The following CERCAM variants were observed in gnomAD, a reference collection of about 807,000 sequenced individuals.
The protein encoded by CERCAM is cerebral endothelial cell adhesion molecule.
Under a neutral mutation model 66.0 loss-of-function variants are expected in CERCAM, and 59 were observed. The observed-to-expected ratio is 0.89, with a 90% confidence interval of 0.73 to 1.11. The LOEUF is 1.11. CERCAM is among the 50% of genes most tolerant of loss of function. CERCAM has a pLI of 0.00. For synonymous variants in CERCAM, 318 were observed against 343.6 expected (o/e 0.93, Z 0.83); for missense variants, 840 against 828.3 (o/e 1.01, Z -0.17).
chr9:128,431,190 A>G lies in CERCAM; in HGVS notation c.1090A>G (p.Ile364Val), dbSNP rs1833966038. 2 of 1,613,950 alleles carry G rather than the reference A, an allele frequency of 1.2e-6. No individual in the cohort carries two copies. Residue 364 changes from isoleucine (I) to valine (V), a missense_variant, in exon 9 of 13, where the codon ATC (isoleucine) becomes GTC (valine). Coordinates refer to ENST00000372838, the MANE Select transcript of CERCAM (RefSeq NM_016174.5). ...CCTCAGGATGCTCAACAGCAGTGCC[A>G]TCAGGAACCTCGGCGTAGACCTGCT... ...VDGWMLNSSA[I>V]RNLGVDLLPG...
In CERCAM at chr9:128,428,796, G is replaced by A. The variant is rs143862996; in HGVS notation, c.926G>A (p.Arg309Gln). 4.3e-6 allele frequency: 7 copies of A among 1,613,922 alleles called. No individual in the cohort carries two copies. Among genetic ancestry groups the A allele is most frequent in the East Asian group, 2.2e-5 (1 of 44,866 alleles). Residue 309 changes from arginine (R) to glutamine (Q), a missense_variant, in exon 7 of 13, where the codon CGG (arginine) becomes CAG (glutamine). Coordinates refer to ENST00000372838, the MANE Select transcript of CERCAM (RefSeq NM_016174.5). ...PRMQASAHVT[R>Q]PSKRPSKIGF... The stretch of plus-strand genomic sequence containing the variant: ...ATGCAGGCCTCAGCTCATGTGACTC[G>A]GCCCTCTAAGAGGCCCAGCAAGATA...
At position 128,434,533 on chromosome 9, in the gene CERCAM, C is replaced by T. The variant is rs1564432077; in HGVS notation, c.1455C>T (p.Arg485=). Residue 485 remains arginine, a synonymous_variant, in exon 11 of 13, where the codon CGC becomes CGT. Transcript: ENST00000372838. The surrounding 1 kb of genome is among the most constrained non-coding windows in gnomAD (Gnocchi z 4.5). ...ATGCCCTGCGTCTGGCGGGTGCCCG[C>T]AAGCTGCTGGCCTCACAGCCTCTGC... The part of the protein sequence containing the change: ...LAYALRLAGA[R]KLLASQPLRR... The T allele has an allele frequency of 5.0e-6, 8 of 1,612,620 alleles. No homozygotes were observed. The highest frequency in any genetic ancestry group is 6.8e-6 in the Non-Finnish European group (8 of 1,179,996).
chr9:128,428,620 T>A (rs1357517232), intron 6 of CERCAM, 137 bp from the exon 7 acceptor site: 1 of 1,114,814 alleles, frequency 9.0e-7, no homozygotes, highest in Non-Finnish European at 1.3e-6. Flanking sequence ...GGCAGGTGGA[T>A]CCTGTGATCT....
chr9:128,424,042 G>A (rs778214376), intron 3 of CERCAM, 96 bp from the exon 4 acceptor site: 17 of 1,395,610 alleles, frequency 1.2e-5, no homozygotes, highest in Non-Finnish European at 1.7e-5. Context: ...CTGGATCCTA[G>A]GAGCCACGCT....
intron 12 of CERCAM, among the ~76,000 whole-genome samples, chr9:128,436,117 G>A (rs1834108842): frequency 2.0e-5 from 3 of 151,558 alleles, no homozygotes; most frequent in South Asian, 2.1e-4. Context: ...GTGCAGTGGC[G>A]TGATTTTGGC....
chr9:128,431,433 C>A, intron 9 of CERCAM, 130 bp downstream of exon 9: 1 of 1,264,552 alleles, frequency 7.9e-7, no homozygotes, highest in Non-Finnish European at 1.1e-6. Context: ...TTTCAATCTC[C>A]TCTGTGTTCA....
intron 1 of CERCAM, 192 bp from the exon 2 acceptor site, chr9:128,422,676 T>G: frequency 1.7e-6 from 1 of 577,158 alleles, no homozygotes; most frequent in East Asian, 2.8e-5. Flanking sequence ...TTGCCTGAGG[T>G]CACACAGCAG....
At chr9:128,419,828 G>A (rs1314037202), upstream of CERCAM, 1 of 152,022 alleles carries the variant, frequency 6.6e-6, no homozygotes, top group Non-Finnish European at 1.5e-5. Flanking sequence ...GTGTCCCCTA[G>A]TTCTACACTC....
intron 1 of CERCAM, 184 bp downstream of exon 1, chr9:128,421,258 C>A: frequency 8.1e-7 from 1 of 1,234,970 alleles, no homozygotes; most frequent in Non-Finnish European, 1.0e-6. Flanking sequence ...TGCTGGGAGA[C>A]GACAGACCTC....
chr9:128,422,069 T>G (rs1833721988), intron 1 of CERCAM: 1 of 152,270 alleles, frequency 6.6e-6, no homozygotes, highest in Non-Finnish European at 1.5e-5. Flanking sequence ...TAGGGACGCT[T>G]AGAGCATGGT....
rs1233620820 is a variant in CERCAM at position 128,424,283 on chromosome 9, G to A, written c.561+11G>A. On this transcript the variant is annotated intron_variant, in intron 4 of 12. Coordinates refer to ENST00000372838, the MANE Select transcript of CERCAM (RefSeq NM_016174.5). Reference sequence around the variant, plus strand: ...GGGATCACCCCCCAGGTGAGGCCGGGATGGGGGCCTTGGGTGGACTGAGGT... The same window carrying A: ...GGGATCACCCCCCAGGTGAGGCCGGAATGGGGGCCTTGGGTGGACTGAGGT... The A allele has an allele frequency of 1.2e-6, 2 of 1,613,886 alleles. No individual in the cohort carries two copies. Among genetic ancestry groups the A allele is most frequent in the African/African-American group, 1.3e-5 (1 of 75,060 alleles).
At chr9:128,436,351 G>A (rs1420449357) in intron 12 of CERCAM, among the ~76,000 whole-genome samples, 3 of 152,140 alleles carry the variant, frequency 2.0e-5, no homozygotes, top group African/African-American at 7.2e-5. Flanking sequence ...GGATTCAAGC[G>A]ATTCTCCTGT....
Position 128,427,393 on chromosome 9 carries a change from G to T in CERCAM, c.767-909G>T, listed in dbSNP as rs146404305. Among the ~76,000 whole-genome samples the T allele has an allele frequency of 2.6e-5, 4 of 152,148 alleles. No homozygotes were observed. The East Asian group carries it at 7.8e-4, about 30-fold the overall frequency. The stretch of plus-strand genomic sequence containing the variant: ...TTCCCAAAGTGCTGGGATTACAGGC[G>T]TGAGCTACTGTGCCCCGCCTAGGTT... On this transcript the variant is annotated intron_variant, in intron 5 of 12. Transcript: ENST00000372838.
chr9:128,434,314 A>C lies in CERCAM; in HGVS notation c.1331+85A>C, dbSNP rs576374091. On this transcript the variant is annotated intron_variant, in intron 10 of 12. Transcript: ENST00000372838. This position sits in a 1 kb window ranked among gnomAD's most constrained non-coding sequence, Gnocchi z 4.5. ...TCCTGCTTGGGACCCTGGCCGGCCCATCCCCTGAGAGCCTGGCCCTGTAGG... is the reference window on the plus strand; with the variant it reads ...TCCTGCTTGGGACCCTGGCCGGCCCCTCCCCTGAGAGCCTGGCCCTGTAGG... The C allele has an allele frequency of 6.2e-7, 1 of 1,602,622 alleles. No homozygotes were observed. The highest frequency in any genetic ancestry group is 1.3e-5 in the African/African-American group (1 of 74,620).
At chr9:128,424,866 C>G (rs2131329963) in intron 5 of CERCAM, among the ~76,000 whole-genome samples, 1 of 150,260 alleles carries the variant, frequency 6.7e-6, no homozygotes, top group East Asian at 2.0e-4. Context: ...GGATTACAGG[C>G]ACCCGCCACC....
At chr9:128,420,511 C>T (rs1193172641), upstream of CERCAM, 2 of 157,332 alleles carry the variant, frequency 1.3e-5, no homozygotes, top group Non-Finnish European at 2.8e-5. This position sits in a 1 kb window ranked among gnomAD's most constrained non-coding sequence, Gnocchi z 5.0. Flanking sequence ...GGTTCAACGC[C>T]CAGGGGTTCC....
intron 9 of CERCAM, 108 bp downstream of exon 9, chr9:128,431,411 C>T: frequency 6.9e-7 from 1 of 1,452,938 alleles, no homozygotes; most frequent in Non-Finnish European, 9.3e-7. Context: ...TCATCAAAAC[C>T]TGGCCAGCAG....
At chr9:128,421,183 G>C in intron 1 of CERCAM, 109 bp downstream of exon 1, 1 of 1,244,140 alleles carries the variant, frequency 8.0e-7, no homozygotes, top group East Asian at 3.2e-5. Context: ...ACACCACCTA[G>C]ACAGGCCCCT....
intron 1 of CERCAM, 116 bp downstream of exon 1, chr9:128,421,190 C>T (rs1833701685): frequency 8.1e-7 from 1 of 1,240,730 alleles, no homozygotes; most frequent in Non-Finnish European, 1.0e-6. Flanking sequence ...CTAGACAGGC[C>T]CCTCCCCTCA....
Sources: gnomAD v4.1 joint callset for allele counts (sites outside exome capture counted in the v4.1 genomes callset) on GRCh38, gnomAD v4.1.1 for gene constraint, Gnocchi (gnomAD v3.1) non-coding constraint, MANE v1.5 for transcripts, NCBI Gene and HGNC (gene_info 2026-07-23, HGNC 2026-07-21) for gene names.